LHFPL2: variants seen among roughly 807,000 people sequenced by gnomAD.
The protein encoded by LHFPL2 is LHFPL tetraspan subfamily member 2.
A neutral mutation model predicts 17.5 loss-of-function variants in LHFPL2; 7 were observed. The ratio of observed to expected loss-of-function variants is 0.40; its 90% CI spans 0.23 to 0.75. The LOEUF is 0.75. Among genes scored for constraint, LHFPL2 ranks in the 30% least tolerant of loss-of-function variants. The pLI is 0.37. For missense variants in LHFPL2, 241 were observed against 294.8 expected (o/e 0.82, Z 1.34); for synonymous variants, 134 against 116.2 (o/e 1.15, Z -0.99).
At chr5:78,520,827 AG>A (rs1755434085) in intron 3 of LHFPL2, among the ~76,000 whole-genome samples, 1 of 150,106 alleles carries the variant, frequency 6.7e-6, no homozygotes, top group South Asian at 2.1e-4. Flanking sequence ...GCTACAAATG[AG>A]GCCCCCCTGC....
At chr5:78,637,540 T>A (rs1745497977) in intron 1 of LHFPL2, among the ~76,000 whole-genome samples, 1 of 152,216 alleles carries the variant, frequency 6.6e-6, no homozygotes, top group Non-Finnish European at 1.5e-5. Flanking sequence ...GGCTGAGGGC[T>A]CGCAGTCTCA....
intron 3 of LHFPL2, chr5:78,549,006 C>T (rs1197263154): frequency 6.6e-6 from 1 of 152,214 alleles, no homozygotes; most frequent in East Asian, 1.9e-4. Flanking sequence ...AGTGCCTTAA[C>T]ATTTCATAGC....
At chr5:78,614,651 T>C (rs1380119719) in intron 2 of LHFPL2, among the ~76,000 whole-genome samples, 1 of 151,918 alleles carries the variant, frequency 6.6e-6, no homozygotes, top group Non-Finnish European at 1.5e-5. Flanking sequence ...ATATTGACTC[T>C]GCAAATATAA....
chr5:78,513,093 C>T (rs1755186889), intron 3 of LHFPL2, among the ~76,000 whole-genome samples: 1 of 152,174 alleles, frequency 6.6e-6, no homozygotes, highest in South Asian at 2.1e-4. Flanking sequence ...TATTTGTCCT[C>T]TTGCAGAACT....
In LHFPL2 at chr5:78,488,705, T is replaced by C. The variant is rs553603459; in HGVS notation, c.*192A>G. The stretch of plus-strand genomic sequence containing the variant: ...TATTTTCATGTTCCATTCCTTATAA[T>C]GTGCACTGCAGACCGCATGTCCAGT... On this transcript the variant is annotated 3_prime_UTR_variant, in exon 5 of 5. Transcript: ENST00000380345. The C allele has an allele frequency of 8.0e-6, 5 of 621,226 alleles. No homozygotes were observed. Among genetic ancestry groups the C allele is most frequent in the African/African-American group, 1.8e-5 (1 of 54,216 alleles). 38.5% of individuals were successfully genotyped at this position (621,226 alleles called of 1,614,324 possible).
intron 3 of LHFPL2, among the ~76,000 whole-genome samples, chr5:78,547,334 C>T (rs1756308305): frequency 6.6e-6 from 1 of 152,238 alleles, no homozygotes; most frequent in South Asian, 2.1e-4. Context: ...ACAAACCCTT[C>T]CTTTCTTTGT....
chr5:78,499,432 G>T (rs757330640), intron 4 of LHFPL2, among the ~76,000 whole-genome samples: 9 of 152,180 alleles, frequency 5.9e-5, no homozygotes, highest in Non-Finnish European at 1.2e-4. Context: ...ACTGAGGCAC[G>T]GAAGGGCTAA....
Position 78,489,157 on chromosome 5 carries a change from CA to C in LHFPL2, c.431-5del. ...AAACCGAGGATAAGGAATAGACCTGCAGAACAAAAGAGAAAACAGATTAGAA... is the reference window on the plus strand; with the variant it reads ...AAACCGAGGATAAGGAATAGACCTGCGAACAAAAGAGAAAACAGATTAGAA... On this transcript the variant is annotated splice_region_variant and splice_polypyrimidine_tract_variant and intron_variant, in intron 4 of 4. Transcript: ENST00000380345. 1 of 1,613,794 alleles carries C rather than the reference CA, an allele frequency of 6.2e-7. No homozygotes were observed.
In LHFPL2 at chr5:78,487,153, G is replaced by C. The variant is rs1051380428; in HGVS notation, c.*1744C>G. 6.6e-6 allele frequency: 1 copy of C among 152,174 alleles called. No individual in the cohort carries two copies. Among genetic ancestry groups the C allele is most frequent in the Admixed American group, 6.5e-5 (1 of 15,276 alleles). 9.4% of individuals were successfully genotyped at this position (152,174 alleles called of 1,614,324 possible). ...AGGAATGGGAAACTCATTAAGGCTA[G>C]TTCCACACCTCCCACCCCTTTTGCC... On this transcript the variant is annotated 3_prime_UTR_variant, in exon 5 of 5. Transcript: ENST00000380345.
chr5:78,492,238 CATTAGCTGCTCTTCCCTT>C (rs1219781910), intron 4 of LHFPL2, among the ~76,000 whole-genome samples: 1 of 152,196 alleles, frequency 6.6e-6, no homozygotes, highest in African/African-American at 2.4e-5. Flanking sequence ...GGTGAGGCAG[CATTAGCTGCTCTTCCCTT>C]TAAAAGACCA....
intron 3 of LHFPL2, among the ~76,000 whole-genome samples, chr5:78,558,250 C>T (rs193064267): frequency 1.5e-4 from 23 of 152,206 alleles, no homozygotes; most frequent in Middle Eastern, 6.8e-3. Context: ...AGCATACATT[C>T]GTTATACAGG....
intron 2 of LHFPL2, among the ~76,000 whole-genome samples, chr5:78,571,059 G>T (rs1023330339): frequency 9.2e-5 from 14 of 152,128 alleles, no homozygotes; most frequent in Admixed American, 9.2e-4. Context: ...GAAAGAGAAG[G>T]TGGAAAAGCC....
Position 78,510,088 on chromosome 5 carries a change from G to A in LHFPL2, c.126C>T (p.Gly42=). Residue 42 remains glycine (G), a synonymous_variant, in exon 4 of 5, where the codon GGC becomes GGT. Transcript: ENST00000380345. ...CGCCCGGGCCCGCCGGCTCCACGCCGCCGCGGCTCCTCGCTTTCCCGATCA... is the reference window on the plus strand; with the variant it reads ...CGCCCGGGCCCGCCGGCTCCACGCCACCGCGGCTCCTCGCTTTCCCGATCA... ...DWLIGKARSR[G]GVEPAGPGGG... is the part of the protein sequence containing the mutation. 6.2e-7 allele frequency: 1 copy of A among 1,612,714 alleles called. No homozygotes were observed. Among genetic ancestry groups the A allele is most frequent in the Non-Finnish European group, 8.5e-7 (1 of 1,179,424 alleles).
At chr5:78,528,289 A>T (rs1755678649) in intron 3 of LHFPL2, among the ~76,000 whole-genome samples, 1 of 152,184 alleles carries the variant, frequency 6.6e-6, no homozygotes, top group South Asian at 2.1e-4. Context: ...CCTGTTAGGA[A>T]CTGGGCTGCA....
chr5:78,626,953 C>T (rs779036111), intron 2 of LHFPL2, among the ~76,000 whole-genome samples: 7 of 151,954 alleles, frequency 4.6e-5, no homozygotes, highest in East Asian at 1.9e-4. Context: ...TGGTGGTACG[C>T]GCCTGTAATC....
chr5:78,549,241 C>T (rs941140331), intron 3 of LHFPL2: 5 of 152,214 alleles, frequency 3.3e-5, no homozygotes, highest in Non-Finnish European at 7.3e-5. Context: ...CTTACTTACA[C>T]AGAGGTCTCA....
chr5:78,574,725 T>A (rs1757085873), intron 2 of LHFPL2, among the ~76,000 whole-genome samples: 1 of 152,262 alleles, frequency 6.6e-6, no homozygotes, highest in South Asian at 2.1e-4. Flanking sequence ...GCTAACAGGT[T>A]GCAGATGGCT....
intron 3 of LHFPL2, among the ~76,000 whole-genome samples, chr5:78,562,182 T>C (rs898231353): frequency 6.6e-6 from 1 of 152,202 alleles, no homozygotes; most frequent in Admixed American, 6.5e-5. Context: ...TGTTGGTCAA[T>C]CTTCCCACCA....
chr5:78,547,184 A>G (rs1216490853), intron 3 of LHFPL2, among the ~76,000 whole-genome samples: 1 of 152,170 alleles, frequency 6.6e-6, no homozygotes. Flanking sequence ...AATGCCACTC[A>G]GCCCGAACCC....
Sources: allele counts gnomAD v4.1 joint callset (sites outside exome capture counted in the v4.1 genomes callset), GRCh38; gene constraint gnomAD v4.1.1; transcripts MANE v1.5; gene names NCBI Gene and HGNC (gene_info 2026-07-23, HGNC 2026-07-21).